The following TMEM132C variants were observed in gnomAD, a reference collection of about 807,000 sequenced individuals.
TMEM132C encodes the protein protein phosphatase 1, regulatory subunit 152.
TMEM132C carries 29 observed loss-of-function variants against 61.4 expected under a neutral mutation model. The observed-to-expected ratio is 0.47, with a 90% confidence interval of 0.35 to 0.64. The LOEUF (loss-of-function observed/expected upper bound fraction) is 0.64. Ranked by LOEUF, TMEM132C falls within the 30% of genes least tolerant of loss-of-function variation. The probability of loss-of-function intolerance (pLI) is 0.00; values close to 1 mark genes in which losing one functional copy is unlikely to be tolerated. For synonymous variants in TMEM132C, 656 were observed against 633.1 expected (o/e 1.04, Z -0.54); for missense variants, 1,408 against 1,476.9 (o/e 0.95, Z 0.76).
intron 4 of TMEM132C, among the ~76,000 whole-genome samples, chr12:128,658,470 C>G (rs777212520): frequency 1.3e-5 from 2 of 152,216 alleles, no homozygotes; most frequent in Non-Finnish European, 2.9e-5. Context: ...GGATGTTTCC[C>G]CAACCAACTG....
intron 2 of TMEM132C, among the ~76,000 whole-genome samples, chr12:128,526,607 A>G (rs1466015607): frequency 6.6e-6 from 1 of 152,246 alleles, no homozygotes; most frequent in Non-Finnish European, 1.5e-5. Flanking sequence ...ACATCAACAA[A>G]AAGTATTAAC....
chr12:128,681,817 ATTT>A lies in TMEM132C; in HGVS notation c.1450-11990_1450-11988del, dbSNP rs35154554. ...TACAGGTGAGCGCTACCACGCCTGG[ATTT>A]TTTTTTTTTTTTTTTTTTTTTGTAT... On this transcript the variant is annotated intron_variant, in intron 5 of 8. Coordinates refer to ENST00000435159, the MANE Select transcript of TMEM132C (RefSeq NM_001136103.3). Among the ~76,000 whole-genome samples the A allele has an allele frequency of 6.9e-5, 6 of 86,446 alleles. No homozygotes were observed. The South Asian group carries it at 1.5e-3, about 21-fold the overall frequency. The allele number at this position is 86,446 out of a possible 152,430, so 56.7% of individuals were successfully genotyped here. A position where few individuals can be genotyped will look rare whatever the true frequency, so the allele number is the denominator to read the frequency against.
chr12:128,359,774 G>A (rs998441475), intron 1 of TMEM132C, among the ~76,000 whole-genome samples: 19 of 152,132 alleles, frequency 1.2e-4, no homozygotes, highest in Admixed American at 9.8e-4. Flanking sequence ...TTTCTTGGGG[G>A]ATCATGTTGG....
intron 1 of TMEM132C, among the ~76,000 whole-genome samples, chr12:128,268,210 T>C (rs1436408921): frequency 6.6e-6 from 1 of 152,232 alleles, no homozygotes; most frequent in East Asian, 1.9e-4. Flanking sequence ...CAGTGTCCTC[T>C]TCTCTACAAT....
intron 3 of TMEM132C, among the ~76,000 whole-genome samples, chr12:128,581,711 AG>A (rs1593107901): frequency 6.6e-6 from 1 of 152,186 alleles, no homozygotes; most frequent in Non-Finnish European, 1.5e-5. Context: ...CATTAGCTCG[AG>A]GGGGCTCTGG....
intron 1 of TMEM132C, among the ~76,000 whole-genome samples, chr12:128,378,510 C>T (rs1166482008): frequency 2.0e-5 from 3 of 152,162 alleles, no homozygotes; most frequent in East Asian, 1.9e-4. Flanking sequence ...CAAATGCATT[C>T]GATGCCACTC....
At position 128,699,823 on chromosome 12, in the gene TMEM132C, G is replaced by C. The variant is rs557198675; in HGVS notation, c.2121+2408G>C. Among the ~76,000 whole-genome samples the C allele has an allele frequency of 6.6e-5, 10 of 152,294 alleles. No individual in the cohort carries two copies. The East Asian group carries it at 1.9e-3, about 29-fold the overall frequency. On this transcript the variant is annotated intron_variant, in intron 8 of 8. Transcript: ENST00000435159. ...AATTCTGCCTAATGAAGAGAGAGTTGCTACCTGATTTTGCCCCAGAGTGTC... is the reference window on the plus strand; with the variant it reads ...AATTCTGCCTAATGAAGAGAGAGTTCCTACCTGATTTTGCCCCAGAGTGTC...
At chr12:128,459,758 G>A (rs1870470531) in intron 2 of TMEM132C, among the ~76,000 whole-genome samples, 1 of 151,868 alleles carries the variant, frequency 6.6e-6, no homozygotes, top group Non-Finnish European at 1.5e-5. Context: ...GGTGGTGAGT[G>A]CCTGTAATCC....
At chr12:128,440,984 T>G (rs1841027) in intron 2 of TMEM132C, among the ~76,000 whole-genome samples, 16,616 of 152,180 alleles carry the variant, frequency 0.11, 1,096 homozygotes, top group African/African-American at 0.18. Context: ...GAGGTTGCAG[T>G]GAGCTCAGAT....
At chr12:128,318,417 A>G (rs755872052) in intron 1 of TMEM132C, among the ~76,000 whole-genome samples, 12 of 152,202 alleles carry the variant, frequency 7.9e-5, no homozygotes, top group Non-Finnish European at 1.3e-4. Context: ...GTGTACTTAA[A>G]TGATAAGTAG....
Position 128,385,324 on chromosome 12 carries a change from G to GCAAA in TMEM132C, c.86-29408_86-29407insCAAA, listed in dbSNP as rs1565919904. Among the ~76,000 whole-genome samples, 23 of 150,018 alleles carry GCAAA rather than the reference G, an allele frequency of 1.5e-4. 7 individuals are homozygous for GCAAA. Among genetic ancestry groups the GCAAA allele is most frequent in the African/African-American group, 5.4e-4 (22 of 40,560 alleles). The stretch of plus-strand genomic sequence containing the variant: ...TCGCACAGAGCCTGATAGGATCATT[G>GCAAA]TAAAGATTTAAGACATAAACGCCGA... On this transcript the variant is annotated intron_variant, in intron 1 of 8. Coordinates refer to ENST00000435159, the MANE Select transcript of TMEM132C (RefSeq NM_001136103.3).
chr12:128,573,451 G>T (rs1390332892), intron 3 of TMEM132C, among the ~76,000 whole-genome samples: 1 of 151,834 alleles, frequency 6.6e-6, no homozygotes, highest in Non-Finnish European at 1.5e-5. Flanking sequence ...GGGGCCTGTC[G>T]TGGGGTGGGG....
At chr12:128,514,550 G>T (rs1872662746) in intron 2 of TMEM132C, among the ~76,000 whole-genome samples, 1 of 152,258 alleles carries the variant, frequency 6.6e-6, no homozygotes, top group Non-Finnish European at 1.5e-5. Flanking sequence ...GACGCAATTT[G>T]TTCAGTGTTT....
At chr12:128,313,682 C>T (rs1323334207) in intron 1 of TMEM132C, among the ~76,000 whole-genome samples, 1 of 152,090 alleles carries the variant, frequency 6.6e-6, no homozygotes, top group African/African-American at 2.4e-5. Context: ...GTGGACGGGG[C>T]CAGCAGAGGA....
In TMEM132C at chr12:128,460,756, T is replaced by C. The variant is rs143947062; in HGVS notation, c.974+45136T>C. ...TTTGATCAGGGAGATTCATGCACCC[T>C]CCTGTCCTAACCCGCAGGACTCCAC... is the stretch of plus-strand genomic sequence containing the variant. On this transcript the variant is annotated intron_variant, in intron 2 of 8. Coordinates refer to ENST00000435159, the MANE Select transcript of TMEM132C (RefSeq NM_001136103.3). 7.9e-3 allele frequency among the ~76,000 whole-genome samples: 1,206 copies of C among 152,272 alleles called. 15 individuals carry two copies. Among genetic ancestry groups the C allele is most frequent in the African/African-American group, 0.027 (1,109 of 41,538 alleles).
At chr12:128,550,520 G>A (rs1874137501) in intron 3 of TMEM132C, among the ~76,000 whole-genome samples, 1 of 152,144 alleles carries the variant, frequency 6.6e-6, no homozygotes, top group South Asian at 2.1e-4. Flanking sequence ...GCCCAGGATG[G>A]GTTCAAACTC....
intron 1 of TMEM132C, among the ~76,000 whole-genome samples, chr12:128,392,064 T>TCTTTCTCTC (rs1555222005): frequency 7.7e-6 from 1 of 130,494 alleles, no homozygotes; most frequent in African/African-American, 3.3e-5. Context: ...CTCTCTCTCT[T>TCTTTCTCTC]TCTCTCTCTC....
At chr12:128,549,511 C>T (rs555479841) in intron 3 of TMEM132C, among the ~76,000 whole-genome samples, 1 of 152,266 alleles carries the variant, frequency 6.6e-6, no homozygotes, top group South Asian at 2.1e-4. Context: ...TCCCCTTTCC[C>T]ATGTTCGTTT....
chr12:128,278,750 A>ATGTGTGTGTGTGTG lies in TMEM132C; in HGVS notation c.85+11287_85+11300dup, dbSNP rs35003496. ...TGTGCAGACTTGATTCTATACGTGT[A>ATGTGTGTGTGTGTG]TGTGTGTGTGTGTGTGTGTGTGTGT... On this transcript the variant is annotated intron_variant, in intron 1 of 8. Coordinates refer to ENST00000435159, the MANE Select transcript of TMEM132C (RefSeq NM_001136103.3). The surrounding 1 kb of genome is among the most constrained non-coding windows in gnomAD (Gnocchi z 4.2). 9.5e-5 allele frequency among the ~76,000 whole-genome samples: 13 copies of ATGTGTGTGTGTGTG among 136,966 alleles called. No homozygotes were observed. Among genetic ancestry groups the ATGTGTGTGTGTGTG allele is most frequent in the African/African-American group, 3.5e-4 (13 of 37,460 alleles). The allele number at this position is 136,966 out of a possible 152,430, so 89.9% of individuals were successfully genotyped here.
Sources: allele counts gnomAD v4.1 joint callset (sites outside exome capture counted in the v4.1 genomes callset), GRCh38; gene constraint gnomAD v4.1.1; non-coding constraint Gnocchi (gnomAD v3.1); transcripts MANE v1.5; gene names NCBI Gene and HGNC (gene_info 2026-07-23, HGNC 2026-07-21).